Variants in TNFRSF19 observed in about 807,000 individuals in gnomAD.
TNFRSF19 encodes the protein TNF receptor superfamily member 19, also known as tumor necrosis factor receptor superfamily member 19.
Under a neutral mutation model 46.4 loss-of-function variants are expected in TNFRSF19, and 27 were observed. That is an observed-to-expected ratio of 0.58 (90% confidence interval 0.43 to 0.80). The LOEUF (loss-of-function observed/expected upper bound fraction) is 0.80, where lower values mean the gene tolerates loss of function less well. TNFRSF19 is among the 30% of genes least tolerant of loss of function. The pLI is 0.00. For missense variants in TNFRSF19, 511 were observed against 530.8 expected, an observed-to-expected ratio of 0.96 and a Z score of 0.37; for synonymous variants, 204 against 205.0, an observed-to-expected ratio of 1.00 and a Z score of 0.04.
At chr13:23,615,452 T>G (rs1191759360) in intron 3 of TNFRSF19, among the ~76,000 whole-genome samples, 1 of 152,238 alleles carries the variant, frequency 6.6e-6, no homozygotes, top group Non-Finnish European at 1.5e-5. Context: ...TCCTCATTTT[T>G]GAAAATAACA....
chr13:23,628,785 A>T (rs543525375), intron 5 of TNFRSF19, among the ~76,000 whole-genome samples: 138 of 152,256 alleles, frequency 9.1e-4, no homozygotes, highest in African/African-American at 3.1e-3. Flanking sequence ...ATATATACAT[A>T]TATATGTGTG....
chr13:23,577,229 G>T lies in TNFRSF19; in HGVS notation c.-35+6381G>T, dbSNP rs867197211. Among the ~76,000 whole-genome samples, 14 of 152,228 alleles carry T rather than the reference G, an allele frequency of 9.2e-5. 1 individual carries two copies. Among genetic ancestry groups the T allele is most frequent in the African/African-American group, 3.4e-4 (14 of 41,460 alleles). ...GCTAACAATAGGTTCTCTCTCTGTT[G>T]TAAGCTAACAGGCTAACCGGGAAGA... On this transcript the variant is annotated intron_variant, in intron 1 of 9. Transcript: ENST00000248484.
intron 5 of TNFRSF19, among the ~76,000 whole-genome samples, chr13:23,656,831 G>T (rs78706164): frequency 1.3e-5 from 2 of 152,186 alleles, no homozygotes; most frequent in African/African-American, 2.4e-5. Flanking sequence ...TTCAACTTGC[G>T]TGGGATGCAA....
At chr13:23,587,842 A>C (rs79607919) in intron 1 of TNFRSF19, among the ~76,000 whole-genome samples, 2,486 of 152,326 alleles carry the variant, frequency 0.016, 67 homozygotes, top group African/African-American at 0.056. Flanking sequence ...AAGCATTAGC[A>C]CAGTACTCAA....
At chr13:23,597,936 G>T (rs927804883) in intron 3 of TNFRSF19, among the ~76,000 whole-genome samples, 1 of 152,106 alleles carries the variant, frequency 6.6e-6, no homozygotes, top group African/African-American at 2.4e-5. Context: ...TGCAAGGCTG[G>T]TTCAATATAC....
chr13:23,594,047 C>T (rs1415827429), intron 3 of TNFRSF19, among the ~76,000 whole-genome samples: 1 of 152,142 alleles, frequency 6.6e-6, no homozygotes, highest in Non-Finnish European at 1.5e-5. Flanking sequence ...GGGACTGTGC[C>T]ATGAGTAATG....
At chr13:23,642,607 T>C (rs986168587) in intron 5 of TNFRSF19, among the ~76,000 whole-genome samples, 9 of 152,154 alleles carry the variant, frequency 5.9e-5, no homozygotes, top group African/African-American at 1.9e-4. Context: ...TGCAGCATCT[T>C]CCAGTAAGTT....
At chr13:23,667,314 A>G (rs979319438) in intron 7 of TNFRSF19, among the ~76,000 whole-genome samples, 3 of 152,188 alleles carry the variant, frequency 2.0e-5, no homozygotes, top group Non-Finnish European at 2.9e-5. Context: ...TCAGTGATAT[A>G]TTCAGCTTGT....
intron 5 of TNFRSF19, among the ~76,000 whole-genome samples, chr13:23,629,198 C>A (rs1251601550): frequency 1.3e-5 from 2 of 151,964 alleles, no homozygotes; most frequent in African/African-American, 4.8e-5. Flanking sequence ...AGTGACACCT[C>A]TCAAGCTAAC....
intron 5 of TNFRSF19, among the ~76,000 whole-genome samples, chr13:23,647,968 AC>A: frequency 6.6e-6 from 1 of 150,396 alleles, no homozygotes. Context: ...GTACCACACC[AC>A]CCCCCCTTTT....
intron 1 of TNFRSF19, among the ~76,000 whole-genome samples, chr13:23,581,134 T>TTTC (rs1239282141): frequency 6.7e-6 from 1 of 148,230 alleles, no homozygotes; most frequent in East Asian, 2.0e-4. Context: ...TTTCTTTTCT[T>TTTC]TTTTTTTTTT....
intron 7 of TNFRSF19, among the ~76,000 whole-genome samples, chr13:23,663,528 C>T (rs914106192): frequency 2.6e-5 from 4 of 152,106 alleles, no homozygotes; most frequent in Non-Finnish European, 5.9e-5. Context: ...ATGCTGGCCT[C>T]ATAGAATGAG....
chr13:23,652,259 A>T (rs1883697759), intron 5 of TNFRSF19, among the ~76,000 whole-genome samples: 2 of 152,188 alleles, frequency 1.3e-5, no homozygotes, highest in African/African-American at 2.4e-5. Context: ...TAATACGACT[A>T]ATTTGGTAAA....
intron 1 of TNFRSF19, among the ~76,000 whole-genome samples, chr13:23,577,557 G>A (rs544333605): frequency 6.6e-6 from 1 of 152,308 alleles, no homozygotes; most frequent in African/African-American, 2.4e-5. Flanking sequence ...ATGGGCAAGT[G>A]CTAAATTGCC....
At position 23,634,293 on chromosome 13, in the gene TNFRSF19, C is replaced by T. The variant is rs1023159821; in HGVS notation, c.445+7501C>T. 3.3e-5 allele frequency among the ~76,000 whole-genome samples: 5 copies of T among 152,326 alleles called. No individual in the cohort carries two copies. In the East Asian group the frequency reaches 7.7e-4, roughly 23 times the overall value. On this transcript the variant is annotated intron_variant, in intron 5 of 9. Coordinates refer to ENST00000248484, the MANE Select transcript of TNFRSF19 (RefSeq NM_148957.4). ...CTTCAAAGTCGCTGTGTGCCTGAGC[C>T]TTTGGTGGGGCCTTCTGAGAACAGT... is the stretch of plus-strand genomic sequence containing the variant.
chr13:23,595,986 C>T (rs549116495), intron 3 of TNFRSF19, among the ~76,000 whole-genome samples: 3 of 152,136 alleles, frequency 2.0e-5, no homozygotes, highest in Admixed American at 6.6e-5. Context: ...ATTTTCAACC[C>T]AGAATTTCAT....
chr13:23,590,056 T>G, intron 1 of TNFRSF19, 94 bp from the exon 2 acceptor site: 1 of 496,532 alleles, frequency 2.0e-6, no homozygotes, highest in African/African-American at 2.0e-5. Context: ...ATTTATTACC[T>G]AGTCTATATA....
chr13:23,587,393 C>A (rs1878922162), intron 1 of TNFRSF19, among the ~76,000 whole-genome samples: 1 of 152,228 alleles, frequency 6.6e-6, no homozygotes, highest in South Asian at 2.1e-4. Flanking sequence ...CTAGGCCAGG[C>A]TATGTCAAAA....
intron 9 of TNFRSF19, among the ~76,000 whole-genome samples, chr13:23,671,621 A>G (rs556140731): frequency 7.7e-4 from 117 of 152,284 alleles, no homozygotes; most frequent in African/African-American, 2.7e-3. Context: ...GGTCCAACCA[A>G]GTGTTTAACT....
Sources: allele counts gnomAD v4.1 joint callset (sites outside exome capture counted in the v4.1 genomes callset), GRCh38; gene constraint gnomAD v4.1.1; transcripts MANE v1.5; gene names NCBI Gene and HGNC (gene_info 2026-07-23, HGNC 2026-07-21).